The following KLHL1 variants were observed in gnomAD, a reference collection of about 807,000 sequenced individuals.
KLHL1 encodes the protein kelch like family member 1, also known as kelch-like protein 1.
KLHL1 carries 47 observed loss-of-function variants against 77.7 expected under a neutral mutation model. That is an observed-to-expected ratio of 0.60 (90% CI 0.48 to 0.77). The LOEUF is 0.77. Among genes scored for constraint, KLHL1 ranks in the 30% least tolerant of loss-of-function variants. KLHL1 has a pLI of 0.00. For synonymous variants in KLHL1, 360 were observed against 325.2 expected, an observed-to-expected ratio of 1.11 and a Z score of -1.15; for missense variants, 925 against 910.8, an observed-to-expected ratio of 1.02 and a Z score of -0.20.
At chr13:69,718,551 A>G (rs901209130) in intron 9 of KLHL1, among the ~76,000 whole-genome samples, 2 of 152,106 alleles carry the variant, frequency 1.3e-5, no homozygotes, top group Non-Finnish European at 2.9e-5. Flanking sequence ...CAATTGATAA[A>G]CCAATTGACC....
chr13:70,082,974 G>A (rs1048900338), intron 1 of KLHL1, among the ~76,000 whole-genome samples: 4 of 152,272 alleles, frequency 2.6e-5, no homozygotes, highest in African/African-American at 9.6e-5. Context: ...AAACTAACGG[G>A]TAGGGAAGGA....
At chr13:69,911,568 G>GA in intron 4 of KLHL1, among the ~76,000 whole-genome samples, 1 of 137,474 alleles carries the variant, frequency 7.3e-6, no homozygotes, top group Non-Finnish European at 1.6e-5. Flanking sequence ...ATATCATCAA[G>GA]AAAAAAAAAA....
chr13:69,823,194 C>T (rs1190287671), intron 6 of KLHL1, among the ~76,000 whole-genome samples: 1 of 152,114 alleles, frequency 6.6e-6, no homozygotes, highest in Non-Finnish European at 1.5e-5. Flanking sequence ...TGTTAACTTA[C>T]AACAACTTAA....
At chr13:70,088,115 A>G (rs1162220457) in intron 1 of KLHL1, among the ~76,000 whole-genome samples, 1 of 152,180 alleles carries the variant, frequency 6.6e-6, no homozygotes, top group Non-Finnish European at 1.5e-5. Flanking sequence ...AAGCTCAAAC[A>G]CTTCTAAGTA....
chr13:69,775,182 A>T (rs965432007), intron 7 of KLHL1, among the ~76,000 whole-genome samples: 2 of 152,134 alleles, frequency 1.3e-5, no homozygotes, highest in African/African-American at 4.8e-5. Flanking sequence ...GGAGGTGCTA[A>T]TGCATTCCTG....
At chr13:69,843,431 A>G (rs564344660) in intron 5 of KLHL1, among the ~76,000 whole-genome samples, 1 of 151,834 alleles carries the variant, frequency 6.6e-6, no homozygotes, top group African/African-American at 2.4e-5. Flanking sequence ...ATTTTGGCAT[A>G]TGAATGCAGA....
chr13:70,049,365 C>A (rs1340623433), intron 1 of KLHL1, among the ~76,000 whole-genome samples: 2 of 152,052 alleles, frequency 1.3e-5, no homozygotes, highest in African/African-American at 4.8e-5. Flanking sequence ...AATTTTACTA[C>A]CCACATTTAA....
chr13:69,875,921 T>C (rs1401158262), intron 5 of KLHL1, among the ~76,000 whole-genome samples: 2 of 152,106 alleles, frequency 1.3e-5, no homozygotes, highest in Non-Finnish European at 2.9e-5. Context: ...TGGCCTGGTA[T>C]AATCATTAAC....
rs1477112975 is a variant in KLHL1 at position 69,817,262 on chromosome 13, A to G, written c.1415-20300T>C. ...GAAAATGTAGACACTGGAATGAAAG[A>G]AAAAGATGGCAATCATGACAATTAG... On this transcript the variant is annotated intron_variant, in intron 6 of 10. Transcript: ENST00000377844. Among the ~76,000 whole-genome samples the G allele has an allele frequency of 2.6e-5, 4 of 152,222 alleles. No individual in the cohort carries two copies. The East Asian group carries it at 7.7e-4, about 29-fold the overall frequency.
chr13:69,923,353 T>C (rs1407671732), intron 4 of KLHL1, among the ~76,000 whole-genome samples: 1 of 152,108 alleles, frequency 6.6e-6, no homozygotes, highest in Admixed American at 6.5e-5. Context: ...TATGCTGCAA[T>C]GGGGATTCAA....
intron 5 of KLHL1, among the ~76,000 whole-genome samples, chr13:69,868,511 A>C (rs1398173999): frequency 2.0e-5 from 3 of 152,112 alleles, no homozygotes; most frequent in Non-Finnish European, 4.4e-5. Flanking sequence ...TGGATTATTA[A>C]ATTTTACTTA....
At chr13:69,971,188 G>C (rs888957711) in intron 2 of KLHL1, among the ~76,000 whole-genome samples, 2 of 151,916 alleles carry the variant, frequency 1.3e-5, no homozygotes, top group Non-Finnish European at 2.9e-5. Flanking sequence ...CTATATTATA[G>C]AGAAAAGTGA....
chr13:69,733,777 A>T (rs1361621371), intron 8 of KLHL1, among the ~76,000 whole-genome samples: 1 of 152,206 alleles, frequency 6.6e-6, no homozygotes, highest in Non-Finnish European at 1.5e-5. Context: ...TTACAAACAC[A>T]TTTGAGCAGT....
intron 7 of KLHL1, among the ~76,000 whole-genome samples, chr13:69,769,197 G>T (rs115835821): frequency 6.6e-6 from 1 of 152,170 alleles, no homozygotes; most frequent in Non-Finnish European, 1.5e-5. Context: ...AGGCCCAACT[G>T]CTAAGGTTTG....
chr13:69,715,020 C>A (rs567654864), intron 9 of KLHL1, among the ~76,000 whole-genome samples: 1 of 152,260 alleles, frequency 6.6e-6, no homozygotes, highest in Admixed American at 6.5e-5. Context: ...TTCTGGGCAG[C>A]ATATCTAAGG....
chr13:70,009,202 C>G (rs533233542), intron 1 of KLHL1, among the ~76,000 whole-genome samples: 1 of 152,124 alleles, frequency 6.6e-6, no homozygotes, highest in East Asian at 1.9e-4. Context: ...AAACCAAGGA[C>G]AACAGTGTCG....
chr13:69,807,210 C>T (rs777650837), intron 6 of KLHL1, among the ~76,000 whole-genome samples: 1 of 152,144 alleles, frequency 6.6e-6, no homozygotes, highest in Non-Finnish European at 1.5e-5. Flanking sequence ...AATTGGACTG[C>T]ACTCCCCATG....
At chr13:69,864,787 C>T (rs141153384) in intron 5 of KLHL1, among the ~76,000 whole-genome samples, 2,521 of 152,138 alleles carry the variant, frequency 0.017, 27 homozygotes, top group Middle Eastern at 0.044. Context: ...GAACTTACAA[C>T]ATATTAGGGC....
chr13:70,070,679 C>T (rs377096090), intron 1 of KLHL1, among the ~76,000 whole-genome samples: 27 of 151,758 alleles, frequency 1.8e-4, no homozygotes, highest in East Asian at 1.2e-3. Flanking sequence ...AGGAAGAATG[C>T]GGGAGAAGAA....
Sources: allele counts gnomAD v4.1 joint callset (sites outside exome capture counted in the v4.1 genomes callset), GRCh38; gene constraint gnomAD v4.1.1; transcripts MANE v1.5; gene names NCBI Gene and HGNC (gene_info 2026-07-23, HGNC 2026-07-21).